MCCC2: variants seen among roughly 807,000 people sequenced by gnomAD.
MCCC2 encodes methylcrotonoyl-CoA carboxylase beta chain, mitochondrial.
In MCCC2, 52 loss-of-function variants were observed where a neutral mutation model predicts 77.2. The ratio of observed to expected loss-of-function variants is 0.67; its 90% CI spans 0.54 to 0.85. The LOEUF is 0.85. Among genes scored for constraint, MCCC2 ranks in the 40% least tolerant of loss-of-function variants. The pLI is 0.00. For synonymous variants in MCCC2, 253 were observed against 248.4 expected, an observed-to-expected ratio of 1.02 and a Z score of -0.18; for missense variants, 682 against 703.2, an observed-to-expected ratio of 0.97 and a Z score of 0.34.
intron 6 of MCCC2, among the ~76,000 whole-genome samples, chr5:71,618,503 T>TCCTTCCTG (rs1407715818): frequency 5.7e-4 from 31 of 54,194 alleles, no homozygotes; most frequent in African/African-American, 1.8e-3. Flanking sequence ...CTTCCTTCCT[T>TCCTTCCTG]CCTTCCTTCC....
chr5:71,619,255 T>G (rs1746285313), intron 6 of MCCC2, among the ~76,000 whole-genome samples: 1 of 152,060 alleles, frequency 6.6e-6, no homozygotes, highest in Non-Finnish European at 1.5e-5. Context: ...ATCCTTTTTC[T>G]TTTTTTCTTT....
At position 71,587,466 on chromosome 5, in the gene MCCC2, G is replaced by T; in HGVS notation, c.41G>T (p.Arg14Leu). 1 of 1,535,916 alleles carries T rather than the reference G, an allele frequency of 6.5e-7. No individual in the cohort carries two copies. ...VLRLALRPCA[R>L]ASPAGPRAYH... Reference sequence around the variant, plus strand: ...AGGTTAGCCCTGCGGCCGTGTGCCCGCGCCTCTCCCGCCGGGCCGCGCGCC... The same window carrying T: ...AGGTTAGCCCTGCGGCCGTGTGCCCTCGCCTCTCCCGCCGGGCCGCGCGCC... The change falls in exon 1 of 17, where the codon CGC becomes CTC. Residue 14 changes from arginine to leucine, a missense_variant. Physicochemically the swap from Arg to Leu is moderately radical, Grantham distance 102. Transcript: ENST00000340941.
At chr5:71,614,029 T>TACAC (rs35292468) in intron 6 of MCCC2, among the ~76,000 whole-genome samples, 37 of 148,390 alleles carry the variant, frequency 2.5e-4, no homozygotes, top group South Asian at 1.5e-3. Flanking sequence ...ACGTATATAA[T>TACAC]ACACACACAC....
At chr5:71,655,811 T>TA (rs1747561810) in intron 16 of MCCC2, among the ~76,000 whole-genome samples, 1 of 152,246 alleles carries the variant, frequency 6.6e-6, no homozygotes, top group Admixed American at 6.5e-5. Context: ...AGAAGGAAAC[T>TA]AAAATTTCTA....
intron 7 of MCCC2, among the ~76,000 whole-genome samples, chr5:71,627,964 C>T (rs1449686688): frequency 1.3e-5 from 2 of 152,170 alleles, no homozygotes; most frequent in African/African-American, 4.8e-5. Context: ...CTGCCTCAGC[C>T]TCCCAAGTAG....
At position 71,657,133 on chromosome 5, in the gene MCCC2, A is replaced by G. The variant is rs1159934711; in HGVS notation, c.*273A>G. The stretch of plus-strand genomic sequence containing the variant: ...GGTTATCCTTTCTGACCCACAAAGT[A>G]TGAAAAGTTCTGTAATCTGTAAACT... On this transcript the variant is annotated 3_prime_UTR_variant, in exon 17 of 17. Transcript: ENST00000340941. 2 of 395,830 alleles carry G rather than the reference A, an allele frequency of 5.1e-6. No individual in the cohort carries two copies. The highest frequency in any genetic ancestry group is 9.4e-6 in the Non-Finnish European group (2 of 211,772). The allele number at this position is 395,830 out of a possible 1,614,324, so 24.5% of individuals were successfully genotyped here.
rs1420106052 is a variant in MCCC2 at position 71,653,370 on chromosome 5, G to C, written c.1574+616G>C. Among the ~76,000 whole-genome samples the C allele has an allele frequency of 2.0e-5, 3 of 149,632 alleles. No homozygotes were observed. In the East Asian group the frequency reaches 5.8e-4, roughly 29 times the overall value. On this transcript the variant is annotated intron_variant, in intron 16 of 16. Transcript: ENST00000340941. ...CTGTCCCAGCTGAAGACCTGCTGGTGCCTGCTTTCACATCTTTCTTCAACA... is the reference window on the plus strand; with the variant it reads ...CTGTCCCAGCTGAAGACCTGCTGGTCCCTGCTTTCACATCTTTCTTCAACA...
At chr5:71,644,367 C>T (rs1011931546) in intron 12 of MCCC2, among the ~76,000 whole-genome samples, 6 of 151,996 alleles carry the variant, frequency 3.9e-5, no homozygotes, top group East Asian at 1.9e-4. Context: ...ATCCCATTAT[C>T]GCTTTAACTT....
At chr5:71,618,006 C>G (rs369512522) in intron 6 of MCCC2, among the ~76,000 whole-genome samples, 9 of 151,986 alleles carry the variant, frequency 5.9e-5, no homozygotes, top group African/African-American at 1.9e-4. Context: ...ATTTTAAGAC[C>G]CCTTAATCGT....
At chr5:71,609,618 C>T (rs1463719726) in intron 6 of MCCC2, among the ~76,000 whole-genome samples, 5 of 150,946 alleles carry the variant, frequency 3.3e-5, no homozygotes, top group Middle Eastern at 3.5e-3. Context: ...TGAGGAACTG[C>T]GTTCCTTTGG....
chr5:71,611,511 G>A (rs1745943892), intron 6 of MCCC2, among the ~76,000 whole-genome samples: 1 of 152,204 alleles, frequency 6.6e-6, no homozygotes, highest in Admixed American at 6.5e-5. Context: ...GTTTTTGTCT[G>A]TTAAAAGGAA....
chr5:71,610,564 G>C (rs1411223284), intron 6 of MCCC2, among the ~76,000 whole-genome samples: 1 of 152,200 alleles, frequency 6.6e-6, no homozygotes, highest in African/African-American at 2.4e-5. Flanking sequence ...GACCGGAGCT[G>C]TTCCTATTCG....
chr5:71,642,006 T>A (rs1425707246), intron 11 of MCCC2, among the ~76,000 whole-genome samples: 1 of 152,236 alleles, frequency 6.6e-6, no homozygotes, highest in African/African-American at 2.4e-5. Flanking sequence ...GTAACAGTCA[T>A]TGTGTAGCAG....
chr5:71,636,697 C>G (rs1399050957), intron 10 of MCCC2: 1 of 151,344 alleles, frequency 6.6e-6, no homozygotes, highest in African/African-American at 2.4e-5. Context: ...GAGACTCTGT[C>G]TCAAATAAAT....
At chr5:71,656,607 A>C (rs1747587925) in intron 16 of MCCC2, 136 bp from the exon 17 acceptor site, 1 of 772,278 alleles carries the variant, frequency 1.3e-6, no homozygotes, top group Admixed American at 1.7e-5. Flanking sequence ...CTGTTGTGAG[A>C]TTATGGTACA....
chr5:71,602,513 T>C lies in MCCC2; in HGVS notation c.391T>C (p.Cys131Arg). 1.9e-6 allele frequency: 3 copies of C among 1,614,190 alleles called. No homozygotes were observed. Among genetic ancestry groups the C allele is most frequent in the Non-Finnish European group, 2.5e-6 (3 of 1,180,028 alleles). ...TGIGRVSGVECMIIANDATVK... is the reference protein window; with the variant it reads ...TGIGRVSGVERMIIANDATVK... Reference sequence around the variant, plus strand: ...GAAATTTCTGCCTTTCAGAGTAGAATGCATGATTATTGCCAATGATGCCAC... The same window carrying C: ...GAAATTTCTGCCTTTCAGAGTAGAACGCATGATTATTGCCAATGATGCCAC... The change falls in exon 5 of 17, where the codon TGC (cysteine) becomes CGC (arginine). Residue 131 changes from cysteine to arginine, a missense_variant. Transcript: ENST00000340941.
chr5:71,640,382 A>ATTTTTTTTTTTTTTTTTTTTTTTT (rs60843078), intron 10 of MCCC2, among the ~76,000 whole-genome samples: 2 of 109,154 alleles, frequency 1.8e-5, no homozygotes, highest in Non-Finnish European at 1.9e-5. Context: ...CACTTTTTAC[A>ATTTTTTTTTTTTTTTTTTTTTTTT]TTTTTTTTTT....
chr5:71,639,023 T>C (rs1413368245), intron 10 of MCCC2, among the ~76,000 whole-genome samples: 1 of 152,202 alleles, frequency 6.6e-6, no homozygotes, highest in Middle Eastern at 3.2e-3. Context: ...GTAGTAGGTC[T>C]CAACAGTGGC....
intron 1 of MCCC2, among the ~76,000 whole-genome samples, chr5:71,587,848 C>G (rs2112253297): frequency 6.6e-6 from 1 of 152,286 alleles, no homozygotes; most frequent in East Asian, 1.9e-4. Flanking sequence ...TTGTGGGTCT[C>G]AGGTGGAGTC....
Sources: allele counts gnomAD v4.1 joint callset (sites outside exome capture counted in the v4.1 genomes callset), GRCh38; gene constraint gnomAD v4.1.1; transcripts MANE v1.5; gene names NCBI Gene and HGNC (gene_info 2026-07-23, HGNC 2026-07-21).